Variants in FER observed in about 807,000 individuals in gnomAD.
The protein encoded by FER is tyrosine-protein kinase Fer.
Under a neutral mutation model 111.0 loss-of-function variants are expected in FER, and 63 were observed. That is an observed-to-expected ratio of 0.57 (90% CI 0.46 to 0.70). The LOEUF is 0.70. Ranked by LOEUF, FER falls within the 30% of genes least tolerant of loss-of-function variation. The pLI, the probability that FER is intolerant of heterozygous loss-of-function variation, is 0.00. For missense variants in FER, 914 were observed against 954.0 expected (o/e 0.96, Z 0.55); for synonymous variants, 327 against 313.9 (o/e 1.04, Z -0.44).
At chr5:109,187,076 CATCTT>C (rs1223452285) in intron 19 of FER, among the ~76,000 whole-genome samples, 1 of 152,190 alleles carries the variant, frequency 6.6e-6, no homozygotes, top group African/African-American at 2.4e-5. Flanking sequence ...ATAAAATCCT[CATCTT>C]CTCTTCATCT....
At chr5:109,037,736 A>C (rs961302760) in intron 14 of FER, among the ~76,000 whole-genome samples, 2 of 152,032 alleles carry the variant, frequency 1.3e-5, no homozygotes, top group Non-Finnish European at 2.9e-5. Flanking sequence ...TAAAAATCAT[A>C]ATGATTTTAC....
chr5:108,899,911 T>G (rs1749764612), intron 10 of FER, among the ~76,000 whole-genome samples: 1 of 152,178 alleles, frequency 6.6e-6, no homozygotes, highest in Non-Finnish European at 1.5e-5. Context: ...TAGTGTATAG[T>G]GTAGTTTAAG....
At chr5:108,924,472 G>T in intron 10 of FER, 6 of 484,524 alleles carry the variant, frequency 1.2e-5, no homozygotes, top group Non-Finnish European at 1.2e-5. Context: ...CGCAACATTT[G>T]TTGGCTGTAT....
intron 3 of FER, among the ~76,000 whole-genome samples, chr5:108,831,303 T>C (rs1760020604): frequency 6.6e-6 from 1 of 152,166 alleles, no homozygotes; most frequent in Non-Finnish European, 1.5e-5. Context: ...TGCCATAGAA[T>C]ATTTCTCCAA....
intron 17 of FER, among the ~76,000 whole-genome samples, chr5:109,160,662 A>C (rs1444078825): frequency 1.3e-5 from 2 of 152,106 alleles, no homozygotes; most frequent in Non-Finnish European, 2.9e-5. Context: ...TAATTGTAAA[A>C]TGCCGAAGTA....
intron 13 of FER, among the ~76,000 whole-genome samples, chr5:108,962,953 T>C (rs897714172): frequency 6.6e-5 from 10 of 152,168 alleles, no homozygotes; most frequent in African/African-American, 2.2e-4. Flanking sequence ...TTAATTAATA[T>C]GAATGTGAGT....
At chr5:108,756,451 T>A (rs1319090491) in intron 1 of FER, among the ~76,000 whole-genome samples, 1 of 151,912 alleles carries the variant, frequency 6.6e-6, no homozygotes, top group East Asian at 1.9e-4. Context: ...CTGAATCTAC[T>A]CCAAATTTAT....
In FER at chr5:109,191,308, T is replaced by G. The variant is rs145514693; in HGVS notation, c.*3733T>G. ...ATGTACCTGAAAACCTTACTTAGTATACTGTGTACACTGTTTAATGGCCAT... is the reference window on the plus strand; with the variant it reads ...ATGTACCTGAAAACCTTACTTAGTAGACTGTGTACACTGTTTAATGGCCAT... On this transcript the variant is annotated 3_prime_UTR_variant, in exon 20 of 20. Transcript: ENST00000281092. 2.0e-5 allele frequency: 3 copies of G among 152,206 alleles called. No individual in the cohort carries two copies. Among genetic ancestry groups the G allele is most frequent in the African/African-American group, 7.2e-5 (3 of 41,450 alleles). The allele number at this position is 152,206 out of a possible 1,614,324, so 9.4% of individuals were successfully genotyped here. A position where few individuals can be genotyped will look rare whatever the true frequency, so the allele number is the denominator to read the frequency against.
At chr5:108,988,501 G>A (rs1487800413) in intron 13 of FER, among the ~76,000 whole-genome samples, 1 of 151,958 alleles carries the variant, frequency 6.6e-6, no homozygotes, top group Non-Finnish European at 1.5e-5. Flanking sequence ...TTTCTTCTTG[G>A]TTTAATCTAG....
At position 109,192,168 on chromosome 5, in the gene FER, G is replaced by A. The variant is rs933667427; in HGVS notation, c.*4593G>A. 5 of 152,166 alleles carry A rather than the reference G, an allele frequency of 3.3e-5. No homozygotes were observed. Among genetic ancestry groups the A allele is most frequent in the Admixed American group, 1.3e-4 (2 of 15,266 alleles). The allele number at this position is 152,166 out of a possible 1,614,324, so 9.4% of individuals were successfully genotyped here. A position where few individuals can be genotyped will look rare whatever the true frequency, so the allele number is the denominator to read the frequency against. ...TCACTTTAAACTGCATAGAAGTAAT[G>A]AGCATAGGCTTCAGTATATTTAATA... On this transcript the variant is annotated 3_prime_UTR_variant, in exon 20 of 20. Coordinates refer to ENST00000281092, the MANE Select transcript of FER (RefSeq NM_005246.4).
intron 9 of FER, among the ~76,000 whole-genome samples, chr5:108,895,989 A>T (rs1240537687): frequency 1.3e-5 from 2 of 152,106 alleles, no homozygotes; most frequent in African/African-American, 2.4e-5. Context: ...TACTGTAACA[A>T]TACTACTTTA....
At chr5:109,143,718 GTTTTT>G (rs112735353) in intron 17 of FER, among the ~76,000 whole-genome samples, 6 of 149,932 alleles carry the variant, frequency 4.0e-5, no homozygotes, top group South Asian at 4.2e-4. Flanking sequence ...GTTTTGTTTT[GTTTTT>G]TTTTGAAAGT....
chr5:109,179,009 C>T (rs1758005090), intron 17 of FER, among the ~76,000 whole-genome samples: 1 of 151,898 alleles, frequency 6.6e-6, no homozygotes, highest in African/African-American at 2.4e-5. Flanking sequence ...AGATATTTGC[C>T]TTATTGGAAC....
At chr5:109,148,469 CA>C (rs1417253302) in intron 17 of FER, among the ~76,000 whole-genome samples, 1 of 152,130 alleles carries the variant, frequency 6.6e-6, no homozygotes, top group East Asian at 1.9e-4. Flanking sequence ...CTTAAAGCAT[CA>C]GATAGCATGT....
chr5:109,054,536 G>T (rs1773378305), intron 16 of FER, among the ~76,000 whole-genome samples: 3 of 152,078 alleles, frequency 2.0e-5, no homozygotes, highest in African/African-American at 7.2e-5. Context: ...TTTTCTCTCA[G>T]TCTGTGTCTT....
chr5:108,850,434 T>C (rs1404724012), intron 5 of FER, among the ~76,000 whole-genome samples: 3 of 152,200 alleles, frequency 2.0e-5, no homozygotes, highest in Non-Finnish European at 4.4e-5. Context: ...TTTGTAGTAC[T>C]TGATTTTTCA....
intron 2 of FER, among the ~76,000 whole-genome samples, chr5:108,770,023 A>G (rs1380922450): frequency 6.6e-6 from 1 of 152,148 alleles, no homozygotes; most frequent in Non-Finnish European, 1.5e-5. Context: ...ATCTCGATTC[A>G]CCACAACCTC....
chr5:109,132,657 G>A (rs1752477536), intron 17 of FER, among the ~76,000 whole-genome samples: 1 of 152,164 alleles, frequency 6.6e-6, no homozygotes, highest in African/African-American at 2.4e-5. Context: ...TCAAGTTCAT[G>A]TTGATGTCCA....
chr5:108,992,819 A>G (rs1763412869), intron 13 of FER, among the ~76,000 whole-genome samples: 1 of 145,420 alleles, frequency 6.9e-6, no homozygotes. Flanking sequence ...CTCACTTCTC[A>G]GACAGGGCGG....
Sources: gnomAD v4.1 joint callset for allele counts (sites outside exome capture counted in the v4.1 genomes callset) on GRCh38, gnomAD v4.1.1 for gene constraint, MANE v1.5 for transcripts, NCBI Gene and HGNC (gene_info 2026-07-23, HGNC 2026-07-21) for gene names.